The following LHFPL3 variants were observed in gnomAD, a reference collection of about 807,000 sequenced individuals.
LHFPL3 encodes the protein LHFPL tetraspan subfamily member 3.
A neutral mutation model predicts 19.3 loss-of-function variants in LHFPL3; 5 were observed. That is an observed-to-expected ratio of 0.26 (90% confidence interval 0.14 to 0.54). The LOEUF is 0.54. LHFPL3 is among the 20% of genes least tolerant of loss of function. The probability of loss-of-function intolerance (pLI) is 0.94; values close to 1 mark genes in which losing one functional copy is unlikely to be tolerated. For synonymous variants in LHFPL3, 133 were observed against 126.2 expected (o/e 1.05, Z -0.36); for missense variants, 249 against 307.4 (o/e 0.81, Z 1.42).
At chr7:104,559,557 T>C (rs1268144028) in intron 1 of LHFPL3, among the ~76,000 whole-genome samples, 3 of 152,038 alleles carry the variant, frequency 2.0e-5, no homozygotes, top group South Asian at 2.1e-4. Flanking sequence ...CTGAAGTTGC[T>C]TATCAGCTTA....
intron 1 of LHFPL3, among the ~76,000 whole-genome samples, chr7:104,621,757 T>C (rs1791450189): frequency 6.6e-6 from 1 of 152,210 alleles, no homozygotes; most frequent in East Asian, 1.9e-4. Flanking sequence ...CATTTTATTA[T>C]ATGATTGTTG....
At chr7:104,718,338 C>T (rs191462857) in intron 1 of LHFPL3, among the ~76,000 whole-genome samples, 11 of 152,152 alleles carry the variant, frequency 7.2e-5, no homozygotes, top group African/African-American at 1.4e-4. Flanking sequence ...AAGCTGCATT[C>T]GTGCCATATT....
chr7:104,648,559 G>A (rs1425969912), intron 1 of LHFPL3, among the ~76,000 whole-genome samples: 1 of 152,188 alleles, frequency 6.6e-6, no homozygotes, highest in Non-Finnish European at 1.5e-5. Context: ...AACTTACCCA[G>A]TGTCACCCAG....
At position 104,478,785 on chromosome 7, in the gene LHFPL3, T is replaced by C. The variant is rs1038258589; in HGVS notation, c.445+149561T>C. Among the ~76,000 whole-genome samples, 4 of 152,202 alleles carry C rather than the reference T, an allele frequency of 2.6e-5. No individual in the cohort carries two copies. The East Asian group carries it at 5.8e-4, about 22-fold the overall frequency. On this transcript the variant is annotated intron_variant, in intron 1 of 2. Coordinates refer to ENST00000424859, the MANE Select transcript of LHFPL3 (RefSeq NM_199000.3). The stretch of plus-strand genomic sequence containing the variant: ...TGTTGCTGCAGACGTAGCTCTCAAC[T>C]ATTAGGTCTTATCTAAAGCACAAAT...
At chr7:104,746,200 T>G (rs970677960) in intron 2 of LHFPL3, among the ~76,000 whole-genome samples, 1 of 152,130 alleles carries the variant, frequency 6.6e-6, no homozygotes. Context: ...TAGTCCCAGA[T>G]ACTTGGGAGG....
At chr7:104,636,643 G>A (rs1328698987) in intron 1 of LHFPL3, among the ~76,000 whole-genome samples, 1 of 152,014 alleles carries the variant, frequency 6.6e-6, no homozygotes, top group Non-Finnish European at 1.5e-5. Context: ...TTGGTTTTCT[G>A]TTCCTGCATT....
At chr7:104,580,174 A>C (rs1790430041) in intron 1 of LHFPL3, among the ~76,000 whole-genome samples, 2 of 152,120 alleles carry the variant, frequency 1.3e-5, no homozygotes, top group South Asian at 4.1e-4. Context: ...TGCTTAACAA[A>C]CTTCTCTCAG....
At chr7:104,402,228 G>A (rs1185025141) in intron 1 of LHFPL3, among the ~76,000 whole-genome samples, 4 of 152,130 alleles carry the variant, frequency 2.6e-5, no homozygotes, top group African/African-American at 7.2e-5. Flanking sequence ...TAAAACAAAA[G>A]TATTCTCTTT....
At position 104,631,473 on chromosome 7, in the gene LHFPL3, A is replaced by G. The variant is rs1329916277; in HGVS notation, c.446-105202A>G. On this transcript the variant is annotated intron_variant, in intron 1 of 2. Coordinates refer to ENST00000424859, the MANE Select transcript of LHFPL3 (RefSeq NM_199000.3). ...CAGTGAGACTAGTGATTATCCCTACAAGTAAAGGATAGAGGAAGAATGGGT... is the reference window on the plus strand; with the variant it reads ...CAGTGAGACTAGTGATTATCCCTACGAGTAAAGGATAGAGGAAGAATGGGT... Among the ~76,000 whole-genome samples the G allele has an allele frequency of 2.0e-5, 3 of 152,312 alleles. No individual in the cohort carries two copies. In the East Asian group the frequency reaches 5.8e-4, roughly 29 times the overall value.
At chr7:104,422,386 C>G (rs1791751134) in intron 1 of LHFPL3, among the ~76,000 whole-genome samples, 1 of 152,054 alleles carries the variant, frequency 6.6e-6, no homozygotes, top group Non-Finnish European at 1.5e-5. Context: ...ACAACAAGAA[C>G]AAATATTTCA....
chr7:104,456,155 A>G (rs1368654441), intron 1 of LHFPL3, among the ~76,000 whole-genome samples: 3 of 152,154 alleles, frequency 2.0e-5, no homozygotes, highest in Non-Finnish European at 4.4e-5. Context: ...TAACGTAACT[A>G]TGTATATACC....
intron 1 of LHFPL3, among the ~76,000 whole-genome samples, chr7:104,529,534 T>C (rs951505919): frequency 1.3e-5 from 2 of 152,176 alleles, no homozygotes; most frequent in Non-Finnish European, 2.9e-5. Flanking sequence ...GGGTCCTCCA[T>C]GAAGCGCGAT....
intron 1 of LHFPL3, among the ~76,000 whole-genome samples, chr7:104,715,481 GAGA>G (rs1793369464): frequency 6.6e-6 from 1 of 152,164 alleles, no homozygotes; most frequent in Non-Finnish European, 1.5e-5. Context: ...CCTTATTCCT[GAGA>G]AGATTTCAGT....
intron 1 of LHFPL3, among the ~76,000 whole-genome samples, chr7:104,477,331 C>G (rs1562909774): frequency 1.3e-5 from 2 of 152,162 alleles, no homozygotes; most frequent in African/African-American, 4.8e-5. Context: ...CTCAGTTATT[C>G]ACTCATTCAA....
At chr7:104,333,824 G>A (rs1399228244) in intron 1 of LHFPL3, among the ~76,000 whole-genome samples, 1 of 152,168 alleles carries the variant, frequency 6.6e-6, no homozygotes, top group African/African-American at 2.4e-5. Context: ...CCAGTGCATT[G>A]AAAGTTCCAT....
intron 1 of LHFPL3, among the ~76,000 whole-genome samples, chr7:104,344,617 G>A (rs1005216702): frequency 6.6e-6 from 1 of 152,138 alleles, no homozygotes; most frequent in Non-Finnish European, 1.5e-5. Context: ...TGGCTGAATA[G>A]TATTCCATGC....
At chr7:104,753,962 A>G (rs944789632) in intron 2 of LHFPL3, among the ~76,000 whole-genome samples, 2 of 152,168 alleles carry the variant, frequency 1.3e-5, no homozygotes, top group South Asian at 4.1e-4. Context: ...CCAACAGATA[A>G]ACATTCCCTG....
intron 2 of LHFPL3, among the ~76,000 whole-genome samples, chr7:104,750,066 CCA>C (rs1205277158): frequency 2.6e-5 from 4 of 152,128 alleles, no homozygotes; most frequent in African/African-American, 9.7e-5. Flanking sequence ...AATCTCGACC[CCA>C]CAGATTAAGA....
intron 1 of LHFPL3, among the ~76,000 whole-genome samples, chr7:104,364,595 A>G (rs1790450172): frequency 6.6e-6 from 1 of 152,204 alleles, no homozygotes; most frequent in South Asian, 2.1e-4. Flanking sequence ...TATGGTCACA[A>G]CTAGATTTAG....
Sources: gnomAD v4.1 joint callset for allele counts (sites outside exome capture counted in the v4.1 genomes callset) on GRCh38, gnomAD v4.1.1 for gene constraint, MANE v1.5 for transcripts, NCBI Gene and HGNC (gene_info 2026-07-23, HGNC 2026-07-21) for gene names.